ZFPM2: variants seen among roughly 807,000 people sequenced by gnomAD.
ZFPM2 encodes zinc finger protein, FOG family member 2.
Under a neutral mutation model 98.6 loss-of-function variants are expected in ZFPM2, and 20 were observed. The ratio of observed to expected loss-of-function variants is 0.20; its 90% CI spans 0.14 to 0.29. The LOEUF is 0.29. Ranked by LOEUF, ZFPM2 falls within the 10% of genes least tolerant of loss-of-function variation. The probability of loss-of-function intolerance (pLI) is 1.00; values close to 1 mark genes in which losing one functional copy is unlikely to be tolerated. For synonymous variants in ZFPM2, 518 were observed against 502.7 expected, an observed-to-expected ratio of 1.03 and a Z score of -0.41; for missense variants, 1,310 against 1,388.6, an observed-to-expected ratio of 0.94 and a Z score of 0.90.
intron 5 of ZFPM2, among the ~76,000 whole-genome samples, chr8:105,783,802 G>GAAAAT (rs1813333716): frequency 6.6e-6 from 1 of 152,014 alleles, no homozygotes; most frequent in African/African-American, 2.4e-5. Flanking sequence ...TACTTCCATG[G>GAAAAT]GTTGTTTCCA....
intron 3 of ZFPM2, among the ~76,000 whole-genome samples, chr8:105,479,417 G>A (rs143059645): frequency 1.7e-4 from 26 of 152,180 alleles, no homozygotes; most frequent in African/African-American, 6.3e-4. Flanking sequence ...AAAAAGTCAT[G>A]TTACTCCTTT....
At chr8:105,501,430 C>T (rs953416172) in intron 3 of ZFPM2, among the ~76,000 whole-genome samples, 17 of 151,866 alleles carry the variant, frequency 1.1e-4, no homozygotes, top group African/African-American at 4.1e-4. Flanking sequence ...AGTGATCCAC[C>T]CGCCTGGGCC....
chr8:105,347,854 A>G (rs1812567593), intron 1 of ZFPM2, among the ~76,000 whole-genome samples: 1 of 152,148 alleles, frequency 6.6e-6, no homozygotes, highest in Admixed American at 6.6e-5. Flanking sequence ...CATGTTTACC[A>G]TATTAAAAAT....
rs376235097 is a variant in ZFPM2, at chr8:105,801,085, C to G, written c.1003C>G (p.Leu335Val). The stretch of plus-strand genomic sequence containing the variant: ...AGAATTCCTGCCCCCTGGTGCTAGT[C>G]TAAAATGCACCGTCTGTAGCTACAC... ...MEEFLPPGAS[L>V]KCTVCSYTAD... The change falls in exon 8 of 8, where the codon CTA becomes GTA. Residue 335 changes from leucine (L) to valine (V), a missense_variant. Leu to Val is a conservative substitution (Grantham distance 32). Coordinates refer to ENST00000407775, the MANE Select transcript of ZFPM2 (RefSeq NM_012082.4). 3.1e-4 allele frequency: 497 copies of G among 1,613,790 alleles called. 4 individuals carry two copies. The South Asian group carries it at 4.9e-3, about 16-fold the overall frequency.
intron 5 of ZFPM2, among the ~76,000 whole-genome samples, chr8:105,722,015 G>C (rs923236997): frequency 6.6e-6 from 1 of 151,728 alleles, no homozygotes; most frequent in Non-Finnish European, 1.5e-5. Flanking sequence ...TTATAAATTG[G>C]TAATGTTTTT....
intron 3 of ZFPM2, among the ~76,000 whole-genome samples, chr8:105,486,547 G>C (rs1813234058): frequency 6.6e-6 from 1 of 152,136 alleles, no homozygotes; most frequent in African/African-American, 2.4e-5. Flanking sequence ...CAGAAATAGG[G>C]AAAGGGACAT....
chr8:105,773,364 A>G (rs976609389), intron 5 of ZFPM2, among the ~76,000 whole-genome samples: 14 of 152,132 alleles, frequency 9.2e-5, no homozygotes, highest in Non-Finnish European at 1.9e-4. Flanking sequence ...TCAGATAAGG[A>G]AAGGGTTGAA....
chr8:105,587,969 G>A (rs1429994757), intron 4 of ZFPM2, among the ~76,000 whole-genome samples: 1 of 152,142 alleles, frequency 6.6e-6, no homozygotes, highest in Non-Finnish European at 1.5e-5. Flanking sequence ...TAAAAGACCA[G>A]TAGTATGGAT....
rs559885424 is a variant in ZFPM2, at chr8:105,631,483, G to A, written c.421-2763G>A. Among the ~76,000 whole-genome samples the A allele has an allele frequency of 3.9e-5, 6 of 152,174 alleles. No homozygotes were observed. In the South Asian group the frequency reaches 1.2e-3, roughly 32 times the overall value. On this transcript the variant is annotated intron_variant, in intron 4 of 7. Coordinates refer to ENST00000407775, the MANE Select transcript of ZFPM2 (RefSeq NM_012082.4). ...CTTTGTTATAGACTGTTCAGCCTTT[G>A]CCCACACTGTTTCCAGCAACTGCAC...
Position 105,798,593 on chromosome 8 carries a change from T to C in ZFPM2, c.740-131T>C, listed in dbSNP as rs1813902644. 20 of 699,760 alleles carry C rather than the reference T, an allele frequency of 2.9e-5. No homozygotes were observed. In the South Asian group the frequency reaches 2.9e-4, roughly 10 times the overall value. 43.3% of individuals were successfully genotyped at this position (699,760 alleles called of 1,614,324 possible). A position where few individuals can be genotyped will look rare whatever the true frequency, so the allele number is the denominator to read the frequency against. ...TATGCTGTAGAACAACACCAAAGAC[T>C]GTTACTCATCTGATTGCCCAATTAA... On this transcript the variant is annotated intron_variant, in intron 6 of 7. Coordinates refer to ENST00000407775, the MANE Select transcript of ZFPM2 (RefSeq NM_012082.4).
At chr8:105,666,656 A>G (rs1817493801) in intron 5 of ZFPM2, among the ~76,000 whole-genome samples, 1 of 152,214 alleles carries the variant, frequency 6.6e-6, no homozygotes, top group African/African-American at 2.4e-5. Flanking sequence ...TTATCATAAT[A>G]TTACTAAGAG....
chr8:105,576,297 T>G (rs1263185059), intron 4 of ZFPM2, among the ~76,000 whole-genome samples: 1 of 152,174 alleles, frequency 6.6e-6, no homozygotes, highest in Non-Finnish European at 1.5e-5. Context: ...CTATTCCTCC[T>G]ACTATTGGCC....
At chr8:105,558,671 G>A (rs2130691262) in intron 3 of ZFPM2, among the ~76,000 whole-genome samples, 1 of 152,262 alleles carries the variant, frequency 6.6e-6, no homozygotes, top group South Asian at 2.1e-4. Context: ...CTTTTCAAAT[G>A]AAATATGTCA....
intron 5 of ZFPM2, among the ~76,000 whole-genome samples, chr8:105,653,506 C>G (rs1400450308): frequency 6.6e-6 from 1 of 152,168 alleles, no homozygotes; most frequent in African/African-American, 2.4e-5. Context: ...TGCCAAGCAG[C>G]AATATAACAT....
At chr8:105,557,071 T>G (rs1815012556) in intron 3 of ZFPM2, among the ~76,000 whole-genome samples, 1 of 152,042 alleles carries the variant, frequency 6.6e-6, no homozygotes, top group Non-Finnish European at 1.5e-5. Context: ...CTTGATTGAT[T>G]CCCCTCTCCT....
At chr8:105,614,031 A>G (rs1194840564) in intron 4 of ZFPM2, among the ~76,000 whole-genome samples, 2 of 152,302 alleles carry the variant, frequency 1.3e-5, no homozygotes, top group East Asian at 1.9e-4. Flanking sequence ...TTTGGAATCT[A>G]GTAGTTTCCA....
intron 1 of ZFPM2, among the ~76,000 whole-genome samples, chr8:105,332,032 A>G (rs1471250849): frequency 6.6e-6 from 1 of 151,630 alleles, no homozygotes; most frequent in Non-Finnish European, 1.5e-5. Context: ...TTCCCTATCC[A>G]ACTCCTACCC....
At chr8:105,776,689 C>A (rs1446471057) in intron 5 of ZFPM2, among the ~76,000 whole-genome samples, 1 of 152,160 alleles carries the variant, frequency 6.6e-6, no homozygotes, top group Non-Finnish European at 1.5e-5. Context: ...TAATCATATA[C>A]CGTAGCTCCT....
intron 3 of ZFPM2, among the ~76,000 whole-genome samples, chr8:105,475,530 C>G (rs995797608): frequency 5.9e-5 from 9 of 152,194 alleles, no homozygotes; most frequent in African/African-American, 2.2e-4. Flanking sequence ...AGTGTCCAGT[C>G]ACAATGCTAC....
Sources: gnomAD v4.1 joint callset for allele counts (sites outside exome capture counted in the v4.1 genomes callset) on GRCh38, gnomAD v4.1.1 for gene constraint, MANE v1.5 for transcripts, NCBI Gene and HGNC (gene_info 2026-07-23, HGNC 2026-07-21) for gene names.